EIF2AK4: variants seen among roughly 807,000 people sequenced by gnomAD.
EIF2AK4 encodes eIF-2-alpha kinase GCN2.
Under a neutral mutation model 211.1 loss-of-function variants are expected in EIF2AK4, and 139 were observed. That is an observed-to-expected ratio of 0.66 (90% CI 0.57 to 0.76). The LOEUF (loss-of-function observed/expected upper bound fraction) is 0.76. Among genes scored for constraint, EIF2AK4 ranks in the 30% least tolerant of loss-of-function variants. EIF2AK4 has a pLI of 0.00. For synonymous variants in EIF2AK4, 710 were observed against 751.3 expected, an observed-to-expected ratio of 0.94 and a Z score of 0.90; for missense variants, 1,664 against 2,043.8, an observed-to-expected ratio of 0.81 and a Z score of 3.58.
chr15:39,934,194 C>CG lies in EIF2AK4; in HGVS notation c.-2_-1insG. On this transcript the variant is annotated 5_prime_UTR_variant, in exon 1 of 39. Coordinates refer to ENST00000263791, the MANE Select transcript of EIF2AK4 (RefSeq NM_001013703.4). ...CCGCCCTGCCTTGGGCGCAGCGCTG[C>CG]CATGGCTGGGGGCCGTGGGGCCCCC... 1 of 1,547,060 alleles carries CG rather than the reference C, an allele frequency of 6.5e-7. No individual in the cohort carries two copies. The highest frequency in any genetic ancestry group is 8.7e-7 in the Non-Finnish European group (1 of 1,148,274).
chr15:39,944,996 T>TA (rs1486107571), intron 3 of EIF2AK4, among the ~76,000 whole-genome samples: 2 of 152,222 alleles, frequency 1.3e-5, no homozygotes, highest in East Asian at 3.9e-4. Context: ...ACGGCCTGGA[T>TA]AAAAAACTAG....
intron 20 of EIF2AK4, among the ~76,000 whole-genome samples, chr15:39,999,088 A>G (rs2140933018): frequency 6.6e-6 from 1 of 152,112 alleles, no homozygotes; most frequent in East Asian, 1.9e-4. Flanking sequence ...TCCTTTTACA[A>G]CTCATTGTTT....
chr15:40,021,137 G>A (rs1224651108), intron 31 of EIF2AK4, 110 bp downstream of exon 31: 4 of 1,258,262 alleles, frequency 3.2e-6, no homozygotes, highest in Non-Finnish European at 4.2e-6. Context: ...TGTAATTCGA[G>A]TTGCCTCCTG....
chr15:40,034,259 G>A (rs975984899), intron 37 of EIF2AK4, 67 bp from the exon 38 acceptor site: 2 of 1,213,380 alleles, frequency 1.6e-6, no homozygotes, highest in African/African-American at 3.0e-5. Flanking sequence ...TTTCATTAGT[G>A]ACCCAGAAAA....
At chr15:40,003,460 G>A in intron 23 of EIF2AK4, 146 bp downstream of exon 23, 1 of 1,296,404 alleles carries the variant, frequency 7.7e-7, no homozygotes, top group South Asian at 1.5e-5. Context: ...CAGAGTGAGA[G>A]TGTTACTGGG....
chr15:39,966,927 T>C (rs1172217732), intron 8 of EIF2AK4, among the ~76,000 whole-genome samples: 2 of 152,234 alleles, frequency 1.3e-5, no homozygotes, highest in Non-Finnish European at 2.9e-5. Context: ...GCTGCTCAAA[T>C]CATATACTAT....
intron 20 of EIF2AK4, among the ~76,000 whole-genome samples, chr15:40,000,172 T>C (rs552090714): frequency 6.6e-6 from 1 of 152,306 alleles, no homozygotes; most frequent in Non-Finnish European, 1.5e-5. Context: ...AATATACCTT[T>C]CATAAAAGTT....
At chr15:40,008,278 C>A in intron 25 of EIF2AK4, 83 bp downstream of exon 25, 1 of 1,236,644 alleles carries the variant, frequency 8.1e-7, no homozygotes, top group Non-Finnish European at 1.1e-6. Context: ...AGCTACAGAC[C>A]TGCTTCTCAG....
chr15:40,004,581 T>C (rs1388486420), intron 23 of EIF2AK4, among the ~76,000 whole-genome samples: 1 of 152,170 alleles, frequency 6.6e-6, no homozygotes, highest in Non-Finnish European at 1.5e-5. Flanking sequence ...TGGTGGCTCG[T>C]GCCTGTGGTC....
In EIF2AK4 at chr15:40,008,183, T is replaced by A; in HGVS notation, c.3564T>A (p.Phe1188Leu). ...CTATCTATGAAATCATCCAAGAGTT[T>A]CCAGCACTTCAGGTTCCTTTCCATA... ...IYTIYEIIQE[F>L]PALQERNYSI... Residue 1188 changes from phenylalanine (F) to leucine (L), a missense_variant, in exon 25 of 39, where the codon TTT becomes TTA. By Grantham distance (22) the Phe-to-Leu change is conservative (BLOSUM62 0). Coordinates refer to ENST00000263791, the MANE Select transcript of EIF2AK4 (RefSeq NM_001013703.4). 1.2e-6 allele frequency: 2 copies of A among 1,600,152 alleles called. No homozygotes were observed. Among genetic ancestry groups the A allele is most frequent in the Non-Finnish European group, 1.7e-6 (2 of 1,175,154 alleles).
intron 32 of EIF2AK4, among the ~76,000 whole-genome samples, chr15:40,024,713 T>TTA (rs71426361): frequency 0.012 from 1,864 of 150,248 alleles, 44 homozygotes; most frequent in African/African-American, 0.044. Context: ...TTTTTTTTTT[T>TTA]ACTCTGAGAA....
chr15:39,934,164 C>A lies in EIF2AK4; in HGVS notation c.-32C>A, dbSNP rs1468576245. 3.0e-6 allele frequency: 4 copies of A among 1,339,234 alleles called. No individual in the cohort carries two copies. The South Asian group carries it at 8.0e-5, about 27-fold the overall frequency. 83.0% of individuals were successfully genotyped at this position (1,339,234 alleles called of 1,614,324 possible). The stretch of plus-strand genomic sequence containing the variant: ...TGCCGGGGGCCCACCGCCGCCCAGG[C>A]AAGGCCGCCCTGCCTTGGGCGCAGC... On this transcript the variant is annotated 5_prime_UTR_variant, in exon 1 of 39. Transcript: ENST00000263791.
intron 30 of EIF2AK4, among the ~76,000 whole-genome samples, chr15:40,020,109 G>A (rs1232441777): frequency 1.3e-5 from 2 of 151,052 alleles, no homozygotes; most frequent in African/African-American, 4.9e-5. Context: ...GGAGGTTGCA[G>A]TGAGGTGAAA....
At chr15:39,951,883 C>T (rs1289073947) in intron 4 of EIF2AK4, among the ~76,000 whole-genome samples, 3 of 152,304 alleles carry the variant, frequency 2.0e-5, no homozygotes, top group Admixed American at 6.5e-5. Flanking sequence ...CGGCTGCAAA[C>T]GCAATTCTCA....
At chr15:39,978,341 G>A (rs2034730315) in intron 13 of EIF2AK4, 194 bp downstream of exon 13, 1 of 329,720 alleles carries the variant, frequency 3.0e-6, no homozygotes. Context: ...TATCCACATA[G>A]TAAAACATAC....
At chr15:40,011,760 C>T (rs2035238609) in intron 27 of EIF2AK4, among the ~76,000 whole-genome samples, 1 of 152,206 alleles carries the variant, frequency 6.6e-6, no homozygotes, top group Non-Finnish European at 1.5e-5. Context: ...CTTCCCCTAC[C>T]TCCATGTCTT....
chr15:40,009,814 C>A, intron 26 of EIF2AK4, 84 bp downstream of exon 26: 1 of 1,015,362 alleles, frequency 9.8e-7, no homozygotes. Context: ...GATTTTCTTA[C>A]CCATGCAGCC....
intron 36 of EIF2AK4, 52 bp downstream of exon 36, chr15:40,032,289 A>G: frequency 6.5e-7 from 1 of 1,536,842 alleles, no homozygotes; most frequent in Non-Finnish European, 9.0e-7. Context: ...ATACTGTCAA[A>G]GTAGTTGCCT....
chr15:40,022,687 G>A (rs993532975), intron 32 of EIF2AK4, 82 bp downstream of exon 32: 12 of 1,248,700 alleles, frequency 9.6e-6, no homozygotes, highest in Non-Finnish European at 1.4e-5. Context: ...GGCCCGGGCC[G>A]TGTAGGTGAC....
Sources: gnomAD v4.1 joint callset for allele counts (sites outside exome capture counted in the v4.1 genomes callset) on GRCh38, gnomAD v4.1.1 for gene constraint, MANE v1.5 for transcripts, NCBI Gene and HGNC (gene_info 2026-07-23, HGNC 2026-07-21) for gene names.